Variants in EXOC6 observed in about 807,000 individuals in gnomAD.
EXOC6 encodes SEC15-like 1.
Under a neutral mutation model 112.5 loss-of-function variants are expected in EXOC6, and 60 were observed. The observed-to-expected ratio is 0.53, with a 90% confidence interval of 0.43 to 0.66. The LOEUF (loss-of-function observed/expected upper bound fraction) is 0.66, where lower values mean the gene tolerates loss of function less well. EXOC6 is among the 30% of genes least tolerant of loss of function. The pLI, the probability that EXOC6 is intolerant of heterozygous loss-of-function variation, is 0.00. For missense variants in EXOC6, 855 were observed against 957.1 expected, an observed-to-expected ratio of 0.89 and a Z score of 1.41; for synonymous variants, 295 against 308.0, an observed-to-expected ratio of 0.96 and a Z score of 0.44.
chr10:92,952,122 G>A (rs757256137), intron 14 of EXOC6, 151 bp from the exon 15 acceptor site: 23 of 576,330 alleles, frequency 4.0e-5, no homozygotes, highest in Non-Finnish European at 6.5e-5. Flanking sequence ...GAAATATTTT[G>A]ATAAAATATC....
chr10:92,923,661 A>G (rs1378315856), intron 8 of EXOC6, among the ~76,000 whole-genome samples: 1 of 152,206 alleles, frequency 6.6e-6, no homozygotes, highest in East Asian at 1.9e-4. Flanking sequence ...GAGAGAAACC[A>G]AAGTGGAAGC....
At chr10:93,020,458 C>T (rs1844733871) in intron 20 of EXOC6, among the ~76,000 whole-genome samples, 2 of 152,092 alleles carry the variant, frequency 1.3e-5, no homozygotes, top group South Asian at 4.2e-4. Context: ...GCTTCAGAGA[C>T]TCCAATAATT....
intron 1 of EXOC6, among the ~76,000 whole-genome samples, chr10:92,882,601 G>T (rs1002348803): frequency 4.0e-5 from 6 of 148,308 alleles, no homozygotes; most frequent in African/African-American, 1.5e-4. Flanking sequence ...TTGTTTAAAA[G>T]AAAATAATTC....
rs2134010051 is a variant in EXOC6 at position 92,952,510 on chromosome 10, G to A, written c.1526+128G>A. On this transcript the variant is annotated intron_variant, in intron 15 of 21. Coordinates refer to ENST00000260762, the MANE Select transcript of EXOC6 (RefSeq NM_019053.6). ...TTCATGGGGTACATGTTTGTTATAG[G>A]GGCATATTGTGTAATGCTGAGATTT... is the stretch of plus-strand genomic sequence containing the variant. The A allele has an allele frequency of 4.5e-6, 3 of 669,676 alleles. No homozygotes were observed. In the East Asian group the frequency reaches 8.4e-5, roughly 19 times the overall value. 41.5% of individuals were successfully genotyped at this position (669,676 alleles called of 1,614,324 possible). A position where few individuals can be genotyped will look rare whatever the true frequency, so the allele number is the denominator to read the frequency against.
At chr10:93,033,623 C>T (rs970720429) in intron 20 of EXOC6, among the ~76,000 whole-genome samples, 4 of 152,170 alleles carry the variant, frequency 2.6e-5, no homozygotes, top group South Asian at 2.1e-4. Flanking sequence ...CCTTAAAACC[C>T]GTTTGGAACA....
At position 92,974,064 on chromosome 10, in the gene EXOC6, TGCA is replaced by T. The variant is rs1413750589; in HGVS notation, c.1790_1792del (p.Ala597del). ...TTGTCCCATGTCAGGATGCTCGACA[TGCA>T]GCAGAAGGAGAAATATATACCAAAC... On this transcript the variant is annotated inframe_deletion, in exon 18 of 22. Coordinates refer to ENST00000260762, the MANE Select transcript of EXOC6 (RefSeq NM_019053.6). The T allele has an allele frequency of 1.3e-6, 2 of 1,589,958 alleles. No homozygotes were observed.
In EXOC6 at chr10:92,948,198, T is replaced by G. The variant is rs563509894; in HGVS notation, c.1311-76T>G. ...AAACTGCTTTTGTAATAGTTGGGGTTTTTTAAGGTATTGTCTTTTAGTACT... is the reference window on the plus strand; with the variant it reads ...AAACTGCTTTTGTAATAGTTGGGGTGTTTTAAGGTATTGTCTTTTAGTACT... On this transcript the variant is annotated intron_variant, in intron 13 of 21. Transcript: ENST00000260762. 5.4e-6 allele frequency: 5 copies of G among 918,066 alleles called. No homozygotes were observed. In the South Asian group the frequency reaches 8.9e-5, roughly 16 times the overall value. 56.9% of individuals were successfully genotyped at this position (918,066 alleles called of 1,614,324 possible).
intron 5 of EXOC6, among the ~76,000 whole-genome samples, chr10:92,903,069 T>C (rs1243612978): frequency 6.6e-6 from 1 of 152,134 alleles, no homozygotes. Context: ...GTAGAATTGC[T>C]CAGTGATAAC....
At chr10:92,902,953 G>T (rs1850255983) in intron 5 of EXOC6, among the ~76,000 whole-genome samples, 1 of 151,910 alleles carries the variant, frequency 6.6e-6, no homozygotes, top group South Asian at 2.1e-4. Flanking sequence ...TTGCTATTTG[G>T]GTGGTTTCAG....
intron 1 of EXOC6, among the ~76,000 whole-genome samples, chr10:92,877,299 T>A (rs1848724269): frequency 6.6e-6 from 1 of 152,192 alleles, no homozygotes; most frequent in South Asian, 2.1e-4. Context: ...TTATCTTTTT[T>A]TTTTCCTGTA....
At chr10:92,976,215 A>G (rs1365601186) in intron 18 of EXOC6, among the ~76,000 whole-genome samples, 1 of 152,104 alleles carries the variant, frequency 6.6e-6, no homozygotes, top group African/African-American at 2.4e-5. Flanking sequence ...GACAGTGGCG[A>G]TTTTGTGGAA....
chr10:93,036,536 G>A (rs1247542860), intron 20 of EXOC6, among the ~76,000 whole-genome samples: 3 of 151,862 alleles, frequency 2.0e-5, no homozygotes, highest in Admixed American at 6.6e-5. Flanking sequence ...CTTTAGTTTT[G>A]TCTATCTATT....
At chr10:93,027,300 A>G (rs539959297) in intron 20 of EXOC6, among the ~76,000 whole-genome samples, 17 of 152,372 alleles carry the variant, frequency 1.1e-4, no homozygotes, top group Admixed American at 9.8e-4. Flanking sequence ...AGCCATCTCC[A>G]TAACATAAAC....
At chr10:93,026,963 G>A (rs1346865094) in intron 20 of EXOC6, among the ~76,000 whole-genome samples, 2 of 152,252 alleles carry the variant, frequency 1.3e-5, no homozygotes, top group Admixed American at 6.5e-5. Flanking sequence ...AAGGCATGTC[G>A]AAAGCTGATA....
chr10:92,828,020 T>C (rs1846414021), intron 1 of EXOC6, among the ~76,000 whole-genome samples: 1 of 152,212 alleles, frequency 6.6e-6, no homozygotes. Context: ...CTTTTGTATA[T>C]GGTATCGATT....
At chr10:93,008,232 A>G (rs1844083768) in intron 19 of EXOC6, among the ~76,000 whole-genome samples, 2 of 152,214 alleles carry the variant, frequency 1.3e-5, no homozygotes, top group Non-Finnish European at 2.9e-5. Context: ...AATAAGAGGA[A>G]ATGAATATCC....
At chr10:93,025,811 A>T (rs575262584) in intron 20 of EXOC6, among the ~76,000 whole-genome samples, 1 of 152,302 alleles carries the variant, frequency 6.6e-6, no homozygotes, top group East Asian at 1.9e-4. Context: ...TCACCAGGTG[A>T]CTACATCTAT....
At chr10:92,870,722 T>A (rs1848406595) in intron 1 of EXOC6, among the ~76,000 whole-genome samples, 1 of 151,918 alleles carries the variant, frequency 6.6e-6, no homozygotes, top group Non-Finnish European at 1.5e-5. Context: ...TCTTTTTTTT[T>A]TTTTTGAGAT....
At position 92,852,178 on chromosome 10, in the gene EXOC6, A is replaced by T. The variant is rs541213625; in HGVS notation, c.101+3544A>T. Reference sequence around the variant, plus strand: ...AAAGTATTATCAAAGTTCACTTAAGAAGAAATAGCTGAATAGCCCTGTATC... The same window carrying T: ...AAAGTATTATCAAAGTTCACTTAAGTAGAAATAGCTGAATAGCCCTGTATC... On this transcript the variant is annotated intron_variant, in intron 1 of 21. Coordinates refer to ENST00000260762, the MANE Select transcript of EXOC6 (RefSeq NM_019053.6). Among the ~76,000 whole-genome samples the T allele has an allele frequency of 3.9e-5, 6 of 152,364 alleles. No homozygotes were observed. The East Asian group carries it at 1.2e-3, about 29-fold the overall frequency.
Sources: gnomAD v4.1 joint callset for allele counts (sites outside exome capture counted in the v4.1 genomes callset) on GRCh38, gnomAD v4.1.1 for gene constraint, MANE v1.5 for transcripts, NCBI Gene and HGNC (gene_info 2026-07-23, HGNC 2026-07-21) for gene names.